The following NAV3 variants were observed in gnomAD, a reference collection of about 807,000 sequenced individuals.
NAV3 encodes the protein neuron navigator 3, also known as pore membrane and/or filament interacting like protein 1.
In NAV3, 87 loss-of-function variants were observed where a neutral mutation model predicts 244.7. That is an observed-to-expected ratio of 0.36 (90% CI 0.30 to 0.42). The LOEUF is 0.42. Among genes scored for constraint, NAV3 ranks in the 20% least tolerant of loss-of-function variants. NAV3 has a pLI of 1.00. For missense variants in NAV3, 2,663 were observed against 2,893.3 expected (o/e 0.92, Z 1.83); for synonymous variants, 1,126 against 1,042.2 (o/e 1.08, Z -1.55).
At chr12:77,903,482 C>G (rs933623841) in intron 1 of NAV3, among the ~76,000 whole-genome samples, 1 of 152,120 alleles carries the variant, frequency 6.6e-6, no homozygotes. Context: ...ACACCTTATA[C>G]AAAAATTAAT....
chr12:78,133,398 AAT>A (rs752594500), intron 18 of NAV3, among the ~76,000 whole-genome samples: 1,644 of 149,804 alleles, frequency 0.011, 13 homozygotes, highest in African/African-American at 0.015. Context: ...TTAAATTTTA[AAT>A]ATATATATAT....
chr12:77,976,667 T>TTTCTTTCTTTC (rs1162135347), intron 5 of NAV3, among the ~76,000 whole-genome samples: 3 of 55,462 alleles, frequency 5.4e-5, no homozygotes, highest in African/African-American at 2.3e-4. Flanking sequence ...TCTTTCTTTC[T>TTTCTTTCTTTC]TTTTTTCTTT....
chr12:77,609,368 C>T (rs1004951475), intron 2 of NAV3, among the ~76,000 whole-genome samples: 4 of 152,006 alleles, frequency 2.6e-5, no homozygotes, highest in Non-Finnish European at 4.4e-5. Flanking sequence ...GCAATATTAC[C>T]TGGAGAATTT....
intron 9 of NAV3, chr12:78,036,782 A>G: frequency 1.7e-6 from 1 of 601,908 alleles, no homozygotes; most frequent in South Asian, 2.0e-5. Context: ...TGTGATAATC[A>G]AAATCAAATG....
intron 2 of NAV3, among the ~76,000 whole-genome samples, chr12:77,680,723 A>G (rs1344013422): frequency 6.6e-6 from 1 of 151,462 alleles, no homozygotes; most frequent in Non-Finnish European, 1.5e-5. Flanking sequence ...TGTGCAAAGT[A>G]GGTGCACAAT....
intron 16 of NAV3, among the ~76,000 whole-genome samples, chr12:78,126,696 A>G (rs528045363): frequency 3.5e-4 from 54 of 152,312 alleles, no homozygotes; most frequent in Admixed American, 3.5e-3. Context: ...TGGGAAATAA[A>G]CATGCCTTTT....
In NAV3 at chr12:78,098,802, C is replaced by G. The variant is rs188782574; in HGVS notation, c.2637-17970C>G. On this transcript the variant is annotated intron_variant, in intron 12 of 39. Coordinates refer to ENST00000397909, the MANE Select transcript of NAV3 (RefSeq NM_001024383.2). ...AATACACAAAGGACATTGACAATGT[C>G]TGGAAATAAAATTAGCTAAGTAAGT... is the stretch of plus-strand genomic sequence containing the variant. 1.6e-3 allele frequency among the ~76,000 whole-genome samples: 237 copies of G among 151,570 alleles called. 2 individuals are homozygous for G. Among genetic ancestry groups the G allele is most frequent in the African/African-American group, 5.6e-3 (231 of 41,436 alleles).
intron 12 of NAV3, among the ~76,000 whole-genome samples, chr12:78,069,229 C>T (rs1424257382): frequency 1.3e-5 from 2 of 151,852 alleles, no homozygotes; most frequent in Non-Finnish European, 2.9e-5. Context: ...CTTACCAGAG[C>T]TCCCATATGT....
At chr12:78,109,921 C>T (rs541276042) in intron 12 of NAV3, among the ~76,000 whole-genome samples, 12 of 152,078 alleles carry the variant, frequency 7.9e-5, no homozygotes, top group African/African-American at 2.4e-4. Flanking sequence ...CTCCTATCCA[C>T]ATAGTACTAG....
intron 2 of NAV3, among the ~76,000 whole-genome samples, chr12:77,635,227 CAA>C (rs147153486): frequency 0.026 from 3,750 of 142,388 alleles, 60 homozygotes; most frequent in Middle Eastern, 0.088. Context: ...GATTCTGTCT[CAA>C]AAAAAAAAAA....
At chr12:77,847,300 C>A (rs749494662) in intron 1 of NAV3, among the ~76,000 whole-genome samples, 24 of 152,168 alleles carry the variant, frequency 1.6e-4, no homozygotes, top group Non-Finnish European at 1.8e-4. Flanking sequence ...ACCCGTTTTC[C>A]TTCTCTGTTT....
chr12:78,002,958 C>A, intron 7 of NAV3, among the ~76,000 whole-genome samples: 1 of 151,492 alleles, frequency 6.6e-6, no homozygotes, highest in East Asian at 2.0e-4. Context: ...AGTATATATG[C>A]CTGTACATAA....
intron 1 of NAV3, among the ~76,000 whole-genome samples, chr12:77,901,058 C>A (rs1444196371): frequency 1.3e-5 from 2 of 152,128 alleles, no homozygotes; most frequent in Non-Finnish European, 2.9e-5. Flanking sequence ...ATGTCCTTTG[C>A]CAACTTTTTA....
intron 2 of NAV3, among the ~76,000 whole-genome samples, chr12:77,572,848 C>T (rs965019697): frequency 2.0e-5 from 3 of 152,162 alleles, no homozygotes; most frequent in Non-Finnish European, 4.4e-5. Context: ...AAGCGTTTAG[C>T]GAGCTTTTTA....
chr12:77,614,869 A>T (rs1176796205), intron 2 of NAV3, among the ~76,000 whole-genome samples: 1 of 152,152 alleles, frequency 6.6e-6, no homozygotes, highest in Non-Finnish European at 1.5e-5. Flanking sequence ...TATCTTTATC[A>T]ATAGTATTAT....
chr12:77,814,471 C>T (rs889759046), intron 2 of NAV3, among the ~76,000 whole-genome samples: 1 of 151,896 alleles, frequency 6.6e-6, no homozygotes, highest in African/African-American at 2.4e-5. Context: ...AAATGTTACA[C>T]CAAGAAAACA....
intron 1 of NAV3, among the ~76,000 whole-genome samples, chr12:77,903,625 A>C (rs1042619986): frequency 6.6e-6 from 1 of 152,212 alleles, no homozygotes; most frequent in South Asian, 2.1e-4. Flanking sequence ...AATGGCAACA[A>C]AAGCCAAAAT....
chr12:77,655,509 G>A (rs1460203172), intron 2 of NAV3, among the ~76,000 whole-genome samples: 1 of 152,166 alleles, frequency 6.6e-6, no homozygotes, highest in African/African-American at 2.4e-5. Flanking sequence ...CGGGGAGAAT[G>A]GAACCAAGTT....
intron 35 of NAV3, 134 bp downstream of exon 35, chr12:78,197,535 A>G (rs1287173832): frequency 1.7e-6 from 1 of 591,970 alleles, no homozygotes; most frequent in East Asian, 3.0e-5. Context: ...ATAAAACTGT[A>G]CATATTGATT....
Sources: gnomAD v4.1 joint callset for allele counts (sites outside exome capture counted in the v4.1 genomes callset) on GRCh38, gnomAD v4.1.1 for gene constraint, MANE v1.5 for transcripts, NCBI Gene and HGNC (gene_info 2026-07-23, HGNC 2026-07-21) for gene names.